The following ZNF804B variants were observed in gnomAD, a reference collection of about 807,000 sequenced individuals.
ZNF804B encodes the protein zinc finger 804B.
ZNF804B carries 80 observed loss-of-function variants against 101.4 expected under a neutral mutation model. The observed-to-expected ratio is 0.79, with a 90% CI of 0.66 to 0.95. The LOEUF (loss-of-function observed/expected upper bound fraction) is 0.95. Among genes scored for constraint, ZNF804B ranks in the 40% least tolerant of loss-of-function variants. The probability of loss-of-function intolerance (pLI) is 0.00; values close to 1 mark genes in which losing one functional copy is unlikely to be tolerated. For synonymous variants in ZNF804B, 622 were observed against 558.8 expected, an observed-to-expected ratio of 1.11 and a Z score of -1.59; for missense variants, 1,673 against 1,561.9, an observed-to-expected ratio of 1.07 and a Z score of -1.20.
intron 1 of ZNF804B, among the ~76,000 whole-genome samples, chr7:88,860,877 T>C (rs1356418488): frequency 6.6e-6 from 1 of 152,168 alleles, no homozygotes; most frequent in Non-Finnish European, 1.5e-5. Context: ...CACCAGAATA[T>C]TGATTAAGTA....
chr7:89,035,685 T>C (rs573096211), intron 1 of ZNF804B, among the ~76,000 whole-genome samples: 144 of 151,712 alleles, frequency 9.5e-4, no homozygotes, highest in Non-Finnish European at 1.7e-3. Flanking sequence ...TTAGATGGCA[T>C]GATCCTATTT....
chr7:89,091,665 A>G (rs1789889784), intron 1 of ZNF804B, among the ~76,000 whole-genome samples: 1 of 152,208 alleles, frequency 6.6e-6, no homozygotes, highest in Non-Finnish European at 1.5e-5. Context: ...CAAATAAAAC[A>G]TACTTTTATC....
chr7:88,964,609 A>G (rs1359318419), intron 1 of ZNF804B, among the ~76,000 whole-genome samples: 1 of 151,490 alleles, frequency 6.6e-6, no homozygotes, highest in African/African-American at 2.4e-5. Flanking sequence ...AGTGGTGATG[A>G]TTGTGCAACA....
At chr7:88,797,433 C>T (rs1386455074) in intron 1 of ZNF804B, among the ~76,000 whole-genome samples, 1 of 152,080 alleles carries the variant, frequency 6.6e-6, no homozygotes, top group East Asian at 1.9e-4. Context: ...CAAAGTCCTC[C>T]CTGCTTTCTT....
intron 1 of ZNF804B, among the ~76,000 whole-genome samples, chr7:89,064,975 A>G (rs1351851918): frequency 6.6e-6 from 1 of 152,142 alleles, no homozygotes; most frequent in Non-Finnish European, 1.5e-5. Flanking sequence ...AGAAGGCTAG[A>G]AGGGAAATTG....
At chr7:88,804,092 T>A (rs920053647) in intron 1 of ZNF804B, among the ~76,000 whole-genome samples, 2 of 152,084 alleles carry the variant, frequency 1.3e-5, no homozygotes, top group Non-Finnish European at 2.9e-5. Context: ...TATTGGCAAT[T>A]ACGTTTACTA....
intron 1 of ZNF804B, among the ~76,000 whole-genome samples, chr7:89,000,729 G>GTAT (rs936665645): frequency 2.6e-5 from 4 of 151,688 alleles, no homozygotes; most frequent in African/African-American, 9.7e-5. Flanking sequence ...AGATCATGCA[G>GTAT]TATTTGTCTT....
intron 1 of ZNF804B, among the ~76,000 whole-genome samples, chr7:88,878,033 C>G (rs1197589923): frequency 6.6e-6 from 1 of 152,056 alleles, no homozygotes; most frequent in Non-Finnish European, 1.5e-5. Context: ...CATCATTGGC[C>G]ATTGCAAGTA....
chr7:89,283,269 T>A (rs1790127477), intron 2 of ZNF804B, among the ~76,000 whole-genome samples: 1 of 152,128 alleles, frequency 6.6e-6, no homozygotes, highest in Non-Finnish European at 1.5e-5. Flanking sequence ...GAAATATTAA[T>A]AAATTAAAAT....
rs1194047329 is a variant in ZNF804B at position 89,171,355 on chromosome 7, CT to C, written c.109-46798del. Among the ~76,000 whole-genome samples the C allele has an allele frequency of 4.3e-4, 51 of 117,654 alleles. 1 individual carries two copies. Among genetic ancestry groups the C allele is most frequent in the East Asian group, 1.5e-3 (7 of 4,724 alleles). The allele number at this position is 117,654 out of a possible 152,430, so 77.2% of individuals were successfully genotyped here. A position where few individuals can be genotyped will look rare whatever the true frequency, so the allele number is the denominator to read the frequency against. On this transcript the variant is annotated intron_variant, in intron 1 of 3. Transcript: ENST00000333190. ...TCTTCTTCTTCTTCTTCTTCTTCTT[CT>C]TCCTCCTCTTCCTCTTCTTCCTCTT...
chr7:88,878,983 C>T (rs1526252), intron 1 of ZNF804B, among the ~76,000 whole-genome samples: 5 of 151,984 alleles, frequency 3.3e-5, no homozygotes, highest in South Asian at 2.1e-4. Flanking sequence ...AGTACATCAG[C>T]GTCACAGACC....
chr7:89,316,638 T>C (rs1790729847), intron 2 of ZNF804B, among the ~76,000 whole-genome samples: 1 of 152,186 alleles, frequency 6.6e-6, no homozygotes, highest in Non-Finnish European at 1.5e-5. Context: ...CTAGATGTTC[T>C]ACAAAACCTA....
chr7:88,969,331 C>A (rs1793499383), intron 1 of ZNF804B, among the ~76,000 whole-genome samples: 1 of 151,484 alleles, frequency 6.6e-6, no homozygotes, highest in African/African-American at 2.4e-5. Context: ...CATCAAGGTG[C>A]ATTTACTTTG....
intron 1 of ZNF804B, among the ~76,000 whole-genome samples, chr7:89,215,878 C>T (rs1343063591): frequency 1.2e-5 from 1 of 80,676 alleles, no homozygotes; most frequent in African/African-American, 5.0e-5. Context: ...AGAGAGACTC[C>T]GTCTCTAAAT....
At chr7:89,117,623 T>C (rs927776031) in intron 1 of ZNF804B, among the ~76,000 whole-genome samples, 6 of 152,104 alleles carry the variant, frequency 3.9e-5, no homozygotes, top group Non-Finnish European at 7.4e-5. Flanking sequence ...ACGGTTTAAA[T>C]TGTGATGCCT....
chr7:89,082,279 T>TA (rs1334798025), intron 1 of ZNF804B, among the ~76,000 whole-genome samples: 1 of 151,724 alleles, frequency 6.6e-6, no homozygotes, highest in South Asian at 2.1e-4. Flanking sequence ...GCAAAATAGA[T>TA]AATTTTTATC....
intron 1 of ZNF804B, among the ~76,000 whole-genome samples, chr7:89,064,020 C>T (rs1435416621): frequency 2.6e-5 from 4 of 152,046 alleles, no homozygotes; most frequent in Admixed American, 6.6e-5. Context: ...AGGTTGGGTT[C>T]TCGAGGAAGC....
At chr7:89,310,321 A>G (rs1162032645) in intron 2 of ZNF804B, among the ~76,000 whole-genome samples, 4 of 152,106 alleles carry the variant, frequency 2.6e-5, no homozygotes, top group African/African-American at 7.2e-5. Context: ...AAGAAACCTT[A>G]TTTGATTAAG....
intron 1 of ZNF804B, among the ~76,000 whole-genome samples, chr7:89,213,113 A>T (rs1788829462): frequency 6.6e-6 from 1 of 151,770 alleles, no homozygotes; most frequent in South Asian, 2.1e-4. Flanking sequence ...AAAGACAAAG[A>T]TTTTTTTTTC....
Sources: allele counts gnomAD v4.1 joint callset (sites outside exome capture counted in the v4.1 genomes callset), GRCh38; gene constraint gnomAD v4.1.1; transcripts MANE v1.5; gene names NCBI Gene and HGNC (gene_info 2026-07-23, HGNC 2026-07-21).